Variants in SLC24A2 observed in about 807,000 individuals in gnomAD.
SLC24A2 encodes the protein sodium/potassium/calcium exchanger 2.
A neutral mutation model predicts 62.0 loss-of-function variants in SLC24A2; 36 were observed. The ratio of observed to expected loss-of-function variants is 0.58; its 90% confidence interval spans 0.44 to 0.77. The LOEUF (loss-of-function observed/expected upper bound fraction) is 0.77. Among genes scored for constraint, SLC24A2 ranks in the 30% least tolerant of loss-of-function variants. The probability of loss-of-function intolerance (pLI) is 0.00; values close to 1 mark genes in which losing one functional copy is unlikely to be tolerated. For synonymous variants in SLC24A2, 358 were observed against 294.0 expected, an observed-to-expected ratio of 1.22 and a Z score of -2.23; for missense variants, 846 against 817.9, an observed-to-expected ratio of 1.03 and a Z score of -0.42.
the SLC24A2 span, among the ~76,000 whole-genome samples, chr9:19,969,126 C>G: frequency 6.7e-6 from 1 of 148,844 alleles, no homozygotes; most frequent in African/African-American, 2.5e-5. Context: ...AACCTGAATT[C>G]CTGAGGCCAG....
At chr9:20,105,940 T>A in the SLC24A2 span, among the ~76,000 whole-genome samples, 3 of 151,982 alleles carry the variant, frequency 2.0e-5, no homozygotes, top group African/African-American at 7.3e-5. Context: ...ACAAAATTGA[T>A]AAACCGCTGG....
At chr9:19,626,255 A>AT (rs1818032306) in intron 2 of SLC24A2, among the ~76,000 whole-genome samples, 1 of 152,216 alleles carries the variant, frequency 6.6e-6, no homozygotes, top group Non-Finnish European at 1.5e-5. Flanking sequence ...CCTCACACAC[A>AT]TAAAAATTAG....
chr9:19,636,315 T>TTTCCTTTCTTTCTTTC (rs1554690361), intron 2 of SLC24A2, among the ~76,000 whole-genome samples: 2 of 40,328 alleles, frequency 5.0e-5, no homozygotes, highest in East Asian at 7.6e-4. Flanking sequence ...TTTTCTTTTC[T>TTTCCTTTCTTTCTTTC]TTTCTTTCTT....
At position 19,671,789 on chromosome 9, in the gene SLC24A2, T is replaced by C. The variant is rs1447020008; in HGVS notation, c.931-49490A>G. Among the ~76,000 whole-genome samples the C allele has an allele frequency of 1.7e-5, 2 of 120,028 alleles. 1 individual carries two copies. The highest frequency in any genetic ancestry group is 3.3e-5 in the Non-Finnish European group (2 of 59,840). 78.7% of individuals were successfully genotyped at this position (120,028 alleles called of 152,430 possible). On this transcript the variant is annotated intron_variant, in intron 2 of 10. Transcript: ENST00000341998. ...ATAGATGCTGGATTTTGTCAAATGCTTTTCCTGCATCTATTGAGACGAACA... is the reference window on the plus strand; with the variant it reads ...ATAGATGCTGGATTTTGTCAAATGCCTTTCCTGCATCTATTGAGACGAACA...
the SLC24A2 span, among the ~76,000 whole-genome samples, chr9:20,144,025 CTA>C: frequency 1.3e-5 from 2 of 152,158 alleles, no homozygotes; most frequent in South Asian, 2.1e-4. Context: ...GTAAGGTTTC[CTA>C]TATGTTACAT....
chr9:20,297,877 G>C, the SLC24A2 span, among the ~76,000 whole-genome samples: 1 of 151,984 alleles, frequency 6.6e-6, no homozygotes, highest in Non-Finnish European at 1.5e-5. Context: ...CCCCAACTTT[G>C]GCAAATGCCT....
chr9:19,714,387 A>G (rs1820798798), intron 2 of SLC24A2, among the ~76,000 whole-genome samples: 1 of 152,240 alleles, frequency 6.6e-6, no homozygotes, highest in South Asian at 2.1e-4. Context: ...TGAATCAAAA[A>G]CCAAGAGCAG....
the SLC24A2 span, among the ~76,000 whole-genome samples, chr9:19,813,093 C>T: frequency 1.3e-5 from 2 of 152,192 alleles, no homozygotes; most frequent in Non-Finnish European, 2.9e-5. Flanking sequence ...GCTTAGTTCT[C>T]TGCCCCTGCC....
At chr9:19,760,841 C>G (rs1490922887) in intron 2 of SLC24A2, among the ~76,000 whole-genome samples, 1 of 148,194 alleles carries the variant, frequency 6.7e-6, no homozygotes, top group African/African-American at 2.5e-5. Context: ...CATGTTCTCA[C>G]TCATAGGTGG....
the SLC24A2 span, among the ~76,000 whole-genome samples, chr9:19,964,015 T>G: frequency 0.038 from 5,734 of 151,976 alleles, 286 homozygotes; most frequent in East Asian, 0.23. Context: ...GTGGCACATA[T>G]ACACCATGGA....
chr9:19,853,773 T>G, the SLC24A2 span, among the ~76,000 whole-genome samples: 1 of 151,874 alleles, frequency 6.6e-6, no homozygotes, highest in African/African-American at 2.4e-5. Context: ...AAGTGTTCTT[T>G]GTTGTACCTC....
the SLC24A2 span, among the ~76,000 whole-genome samples, chr9:19,959,468 C>T: frequency 3.3e-5 from 5 of 152,292 alleles, no homozygotes; most frequent in African/African-American, 1.2e-4. Context: ...TCACTTTACT[C>T]TTCTAATATA....
chr9:19,600,408 T>C (rs1386348919), intron 4 of SLC24A2, among the ~76,000 whole-genome samples: 1 of 152,184 alleles, frequency 6.6e-6, no homozygotes, highest in Non-Finnish European at 1.5e-5. Flanking sequence ...TGGGGAGGAA[T>C]GAAAGTTGCC....
At chr9:20,014,764 C>G in the SLC24A2 span, among the ~76,000 whole-genome samples, 1 of 151,810 alleles carries the variant, frequency 6.6e-6, no homozygotes. Flanking sequence ...AGTTGTTGTC[C>G]AAAGGGTACA....
chr9:20,171,532 T>C, the SLC24A2 span, among the ~76,000 whole-genome samples: 1 of 151,954 alleles, frequency 6.6e-6, no homozygotes, highest in Non-Finnish European at 1.5e-5. Flanking sequence ...AGACATTCCA[T>C]GCAAATGAAC....
At chr9:20,260,916 C>T in the SLC24A2 span, among the ~76,000 whole-genome samples, 7 of 137,932 alleles carry the variant, frequency 5.1e-5, no homozygotes, top group East Asian at 4.9e-4. Context: ...AGTGCAGTGG[C>T]GTAATCTCAG....
At chr9:19,783,953 A>G (rs949705129) in intron 2 of SLC24A2, among the ~76,000 whole-genome samples, 1 of 152,224 alleles carries the variant, frequency 6.6e-6, no homozygotes, top group East Asian at 1.9e-4. Flanking sequence ...GAAATCAGAA[A>G]CAGAAATAGT....
At chr9:19,850,264 G>T in the SLC24A2 span, among the ~76,000 whole-genome samples, 3 of 151,908 alleles carry the variant, frequency 2.0e-5, no homozygotes, top group South Asian at 6.3e-4. Flanking sequence ...TAATTTATAG[G>T]TTATACTGCA....
intron 8 of SLC24A2, among the ~76,000 whole-genome samples, chr9:19,536,263 CAT>C (rs1205864019): frequency 2.0e-5 from 3 of 149,774 alleles, no homozygotes; most frequent in African/African-American, 7.4e-5. Flanking sequence ...AGGTTAGTTA[CAT>C]ATGTATACAT....
Sources: gnomAD v4.1 joint callset for allele counts (sites outside exome capture counted in the v4.1 genomes callset) on GRCh38, gnomAD v4.1.1 for gene constraint, MANE v1.5 for transcripts, NCBI Gene and HGNC (gene_info 2026-07-23, HGNC 2026-07-21) for gene names.